NUBPL: variants seen among roughly 807,000 people sequenced by gnomAD.
The protein encoded by NUBPL is NUBP iron-sulfur cluster assembly factor, mitochondrial.
In NUBPL, 31 loss-of-function variants were observed where a neutral mutation model predicts 45.7. The observed-to-expected ratio is 0.68, with a 90% CI of 0.51 to 0.92. The LOEUF (loss-of-function observed/expected upper bound fraction) is 0.92, where lower values mean the gene tolerates loss of function less well. Among genes scored for constraint, NUBPL ranks in the 40% least tolerant of loss-of-function variants. NUBPL has a pLI of 0.00. For synonymous variants in NUBPL, 144 were observed against 140.9 expected (o/e 1.02, Z -0.15); for missense variants, 401 against 398.7 (o/e 1.01, Z -0.05).
chr14:31,856,816 C>T (rs1256828747), intron 10 of NUBPL, among the ~76,000 whole-genome samples: 1 of 152,172 alleles, frequency 6.6e-6, no homozygotes, highest in Non-Finnish European at 1.5e-5. Flanking sequence ...GGCAGCTTTG[C>T]CCCTGTAGTT....
chr14:31,859,238 C>A lies in NUBPL; in HGVS notation c.*58C>A. 1.5e-6 allele frequency: 2 copies of A among 1,301,290 alleles called. No individual in the cohort carries two copies. The highest frequency in any genetic ancestry group is 2.2e-6 in the Non-Finnish European group (2 of 895,704). 80.6% of individuals were successfully genotyped at this position (1,301,290 alleles called of 1,614,324 possible). On this transcript the variant is annotated 3_prime_UTR_variant, in exon 11 of 11. Coordinates refer to ENST00000281081, the MANE Select transcript of NUBPL (RefSeq NM_025152.3). ...TGACATTAAGAGGACCTTTGGAAAT[C>A]AGCAATGTGGTGATGGAACCTACAG... is the stretch of plus-strand genomic sequence containing the variant.
Position 31,580,417 on chromosome 14 carries a change from C to T in NUBPL, c.291+15369C>T, listed in dbSNP as rs151122285. Among the ~76,000 whole-genome samples the T allele has an allele frequency of 4.7e-3, 717 of 152,222 alleles. 4 individuals are homozygous for T. Among genetic ancestry groups the T allele is most frequent in the Non-Finnish European group, 6.6e-3 (447 of 68,004 alleles). On this transcript the variant is annotated intron_variant, in intron 3 of 10. Coordinates refer to ENST00000281081, the MANE Select transcript of NUBPL (RefSeq NM_025152.3). Reference sequence around the variant, plus strand: ...CTGGGAGAATTACTTCAGGCCTGGACTTTGAGACCAGCTTGAGCAACATAG... The same window carrying T: ...CTGGGAGAATTACTTCAGGCCTGGATTTTGAGACCAGCTTGAGCAACATAG...
intron 3 of NUBPL, among the ~76,000 whole-genome samples, chr14:31,593,814 T>C (rs1383338145): frequency 6.6e-6 from 1 of 152,016 alleles, no homozygotes; most frequent in Non-Finnish European, 1.5e-5. Context: ...GGATTTCTGG[T>C]TGAGGGAATA....
chr14:31,562,023 G>T (rs1392940890), intron 1 of NUBPL, 45 bp from the exon 2 acceptor site: 2 of 1,543,704 alleles, frequency 1.3e-6, no homozygotes, highest in Admixed American at 3.9e-5. Context: ...TGATGATGGA[G>T]ATGGCTTATT....
intron 6 of NUBPL, among the ~76,000 whole-genome samples, chr14:31,786,551 A>G (rs2039288479): frequency 6.6e-6 from 1 of 152,182 alleles, no homozygotes; most frequent in African/African-American, 2.4e-5. Flanking sequence ...TCTGCCTGAT[A>G]TCTCTGTCTC....
intron 4 of NUBPL, among the ~76,000 whole-genome samples, chr14:31,599,921 T>C (rs1041830075): frequency 1.5e-5 from 2 of 136,560 alleles, no homozygotes; most frequent in East Asian, 2.3e-4. Context: ...ACTAGTTTTT[T>C]TTCTTTTTTT....
chr14:31,759,019 A>G (rs1595591728), intron 6 of NUBPL, among the ~76,000 whole-genome samples: 2 of 152,100 alleles, frequency 1.3e-5, no homozygotes. Context: ...TATGGCACAT[A>G]GGAGTCTTAG....
intron 7 of NUBPL, among the ~76,000 whole-genome samples, chr14:31,825,635 C>CTTT (rs2040085581): frequency 3.2e-5 from 3 of 94,560 alleles, no homozygotes; most frequent in African/African-American, 6.3e-5. Flanking sequence ...TCCTCCTCCT[C>CTTT]CCCTCTTTCT....
At chr14:31,631,113 T>G (rs2035330723) in intron 4 of NUBPL, among the ~76,000 whole-genome samples, 1 of 152,196 alleles carries the variant, frequency 6.6e-6, no homozygotes. Flanking sequence ...ACTGGGGCAG[T>G]CATAGAGCTC....
intron 7 of NUBPL, among the ~76,000 whole-genome samples, chr14:31,821,541 G>T (rs1034132999): frequency 2.0e-5 from 3 of 152,148 alleles, no homozygotes; most frequent in African/African-American, 7.2e-5. Context: ...CAATAACAAA[G>T]CTGACAAGGA....
chr14:31,717,377 G>T (rs1209034976), intron 6 of NUBPL, among the ~76,000 whole-genome samples: 2 of 152,110 alleles, frequency 1.3e-5, no homozygotes, highest in South Asian at 4.1e-4. Context: ...AAGTGCTCTT[G>T]TGTTCTGCAG....
intron 9 of NUBPL, among the ~76,000 whole-genome samples, chr14:31,846,968 A>C (rs1380070051): frequency 6.6e-6 from 1 of 152,072 alleles, no homozygotes; most frequent in African/African-American, 2.4e-5. Context: ...AAAAAACAAA[A>C]AACAAAAAAC....
chr14:31,690,242 C>G (rs2037062323), intron 6 of NUBPL, among the ~76,000 whole-genome samples: 1 of 152,166 alleles, frequency 6.6e-6, no homozygotes, highest in African/African-American at 2.4e-5. Flanking sequence ...AGCTGCTAAC[C>G]TCTGAGCCTC....
intron 6 of NUBPL, among the ~76,000 whole-genome samples, chr14:31,757,060 T>G (rs552401600): frequency 6.6e-6 from 1 of 152,030 alleles, no homozygotes; most frequent in Non-Finnish European, 1.5e-5. Context: ...CCCACTTGAT[T>G]ATGGTGAATA....
chr14:31,583,560 G>A (rs2033919418), intron 3 of NUBPL, among the ~76,000 whole-genome samples: 1 of 152,184 alleles, frequency 6.6e-6, no homozygotes, highest in Non-Finnish European at 1.5e-5. Context: ...ACTTCCCCCA[G>A]TGAGTAATAC....
chr14:31,612,025 A>G (rs1258053367), intron 4 of NUBPL, among the ~76,000 whole-genome samples: 1 of 152,236 alleles, frequency 6.6e-6, no homozygotes, highest in Admixed American at 6.5e-5. Flanking sequence ...TTCTTGAGCA[A>G]TACCCAACAA....
At chr14:31,561,770 G>A in intron 1 of NUBPL, 1 of 581,586 alleles carries the variant, frequency 1.7e-6, no homozygotes, top group Admixed American at 3.3e-5. Flanking sequence ...CTTGGCTTTG[G>A]GTTATTTATC....
intron 4 of NUBPL, among the ~76,000 whole-genome samples, chr14:31,648,873 A>C (rs550658066): frequency 4.0e-4 from 61 of 152,332 alleles, no homozygotes; most frequent in African/African-American, 1.4e-3. Flanking sequence ...CAGTGGTGCT[A>C]TCTTGGCTCA....
chr14:31,564,505 TA>T (rs60926550), intron 2 of NUBPL, among the ~76,000 whole-genome samples: 50,049 of 112,362 alleles, frequency 0.45, 11,190 homozygotes, highest in East Asian at 0.56. Context: ...ACCCTGTCTG[TA>T]AAAAAAAAAA....
Sources: gnomAD v4.1 joint callset for allele counts (sites outside exome capture counted in the v4.1 genomes callset) on GRCh38, gnomAD v4.1.1 for gene constraint, MANE v1.5 for transcripts, NCBI Gene and HGNC (gene_info 2026-07-23, HGNC 2026-07-21) for gene names.